SDC2: variants seen among roughly 807,000 people sequenced by gnomAD.
SDC2 encodes syndecan 2.
SDC2 carries 13 observed loss-of-function variants against 22.2 expected under a neutral mutation model. The ratio of observed to expected loss-of-function variants is 0.59; its 90% CI spans 0.38 to 0.93. The LOEUF is 0.93. Among genes scored for constraint, SDC2 ranks in the 40% least tolerant of loss-of-function variants. The pLI, the probability that SDC2 is intolerant of heterozygous loss-of-function variation, is 0.00. For synonymous variants in SDC2, 94 were observed against 92.8 expected (o/e 1.01, Z -0.07); for missense variants, 235 against 246.8 (o/e 0.95, Z 0.32).
chr8:96,537,744 A>T (rs757842107), intron 1 of SDC2, among the ~76,000 whole-genome samples: 10 of 152,156 alleles, frequency 6.6e-5, no homozygotes, highest in Non-Finnish European at 1.0e-4. Flanking sequence ...ATGAAGGATA[A>T]CTTAGATTTT....
intron 1 of SDC2, among the ~76,000 whole-genome samples, chr8:96,503,829 T>C (rs1813201194): frequency 6.6e-6 from 1 of 152,204 alleles, no homozygotes. Flanking sequence ...CAGAGAATGA[T>C]AGAAGGCTGT....
intron 1 of SDC2, among the ~76,000 whole-genome samples, chr8:96,592,323 C>T (rs554141647): frequency 7.2e-5 from 11 of 152,206 alleles, no homozygotes; most frequent in African/African-American, 1.9e-4. Context: ...CCAATCACAG[C>T]GACTGCTGGA....
intron 1 of SDC2, among the ~76,000 whole-genome samples, chr8:96,536,623 C>T (rs1319339364): frequency 6.6e-6 from 1 of 152,160 alleles, no homozygotes; most frequent in Non-Finnish European, 1.5e-5. Context: ...AGTTGAGTAC[C>T]TTTTAGGTGG....
At chr8:96,589,398 GTTTGT>G (rs1476069101) in intron 1 of SDC2, among the ~76,000 whole-genome samples, 1 of 151,838 alleles carries the variant, frequency 6.6e-6, no homozygotes, top group African/African-American at 2.4e-5. Flanking sequence ...TTGTTTGTTT[GTTTGT>G]TTGTTTGTTT....
chr8:96,522,791 G>A (rs1366463321), intron 1 of SDC2, among the ~76,000 whole-genome samples: 1 of 152,182 alleles, frequency 6.6e-6, no homozygotes, highest in African/African-American at 2.4e-5. Context: ...GCAGTTTCAG[G>A]ATGTAAGGTG....
chr8:96,517,759 TTGTG>T (rs1563645494), intron 1 of SDC2, among the ~76,000 whole-genome samples: 32 of 124,212 alleles, frequency 2.6e-4, no homozygotes, highest in Middle Eastern at 3.8e-3. Context: ...ATACACACGT[TTGTG>T]TGTGTGCATG....
At chr8:96,511,307 C>T (rs187499970) in intron 1 of SDC2, among the ~76,000 whole-genome samples, 1 of 152,248 alleles carries the variant, frequency 6.6e-6, no homozygotes, top group East Asian at 1.9e-4. Context: ...GGCTGCTGCT[C>T]TAGGACCTTG....
At chr8:96,543,365 G>A (rs1813882867) in intron 1 of SDC2, among the ~76,000 whole-genome samples, 1 of 152,152 alleles carries the variant, frequency 6.6e-6, no homozygotes, top group Non-Finnish European at 1.5e-5. Flanking sequence ...AGATAATGGT[G>A]TAATGGATAT....
intron 1 of SDC2, among the ~76,000 whole-genome samples, chr8:96,563,190 C>A (rs549904086): frequency 6.6e-6 from 1 of 152,288 alleles, no homozygotes; most frequent in Admixed American, 6.5e-5. Context: ...TGTATTCAGC[C>A]TTGCTGGGAT....
At chr8:96,515,455 T>C (rs1813387181) in intron 1 of SDC2, among the ~76,000 whole-genome samples, 1 of 152,046 alleles carries the variant, frequency 6.6e-6, no homozygotes, top group Non-Finnish European at 1.5e-5. Context: ...GCTCTTGATA[T>C]GGGAAATAGA....
At chr8:96,521,538 G>A (rs2439522) in intron 1 of SDC2, among the ~76,000 whole-genome samples, 127,764 of 152,218 alleles carry the variant, frequency 0.84, 55,070 homozygotes, top group African/African-American at 0.94. Context: ...AGGTGGGCTC[G>A]CATTATCTGT....
At chr8:96,571,345 G>A (rs1037095849) in intron 1 of SDC2, among the ~76,000 whole-genome samples, 6 of 152,292 alleles carry the variant, frequency 3.9e-5, no homozygotes, top group Non-Finnish European at 7.4e-5. Flanking sequence ...GGGAAAGTGT[G>A]TATGCTTAGG....
At position 96,585,775 on chromosome 8, in the gene SDC2, A is replaced by C. The variant is rs372021357; in HGVS notation, c.61-7705A>C. Among the ~76,000 whole-genome samples, 318 of 151,944 alleles carry C rather than the reference A, an allele frequency of 2.1e-3. 1 individual carries two copies. Among genetic ancestry groups the C allele is most frequent in the African/African-American group, 7.3e-3 (304 of 41,402 alleles). On this transcript the variant is annotated intron_variant, in intron 1 of 4. Transcript: ENST00000302190. ...ATGCCCCAACGTACATACAGCAAGG[A>C]CCCTTTCTGAAAATGATATTGATTA...
At chr8:96,535,337 A>G (rs1813737915) in intron 1 of SDC2, among the ~76,000 whole-genome samples, 1 of 152,218 alleles carries the variant, frequency 6.6e-6, no homozygotes, top group Admixed American at 6.5e-5. Flanking sequence ...AGTGTGGCCC[A>G]TCCACTATTT....
chr8:96,599,592 A>C (rs1002039668), intron 2 of SDC2, among the ~76,000 whole-genome samples: 1 of 152,212 alleles, frequency 6.6e-6, no homozygotes, highest in Non-Finnish European at 1.5e-5. Context: ...CATGTCTGTT[A>C]GATATGTATC....
intron 1 of SDC2, among the ~76,000 whole-genome samples, chr8:96,505,306 A>T (rs1179881823): frequency 2.0e-5 from 3 of 151,924 alleles, no homozygotes; most frequent in South Asian, 4.2e-4. Context: ...TATTTTTATT[A>T]TTTTTATTTT....
rs1385442851 is a variant in SDC2, at chr8:96,497,190, G to A, written c.60+2859G>A. On this transcript the variant is annotated intron_variant, in intron 1 of 4. Transcript: ENST00000302190. ...ATTATCTCTCGGTGTATTATGAAAGGCAGGCTCTGGAAAGTTTGCATTAGA... is the reference window on the plus strand; with the variant it reads ...ATTATCTCTCGGTGTATTATGAAAGACAGGCTCTGGAAAGTTTGCATTAGA... 2.6e-5 allele frequency among the ~76,000 whole-genome samples: 4 copies of A among 151,992 alleles called. No homozygotes were observed. The East Asian group carries it at 7.7e-4, about 29-fold the overall frequency.
intron 1 of SDC2, among the ~76,000 whole-genome samples, chr8:96,502,709 C>T (rs578033221): frequency 5.3e-5 from 8 of 152,178 alleles, no homozygotes; most frequent in Non-Finnish European, 1.0e-4. Flanking sequence ...TTTGGATACA[C>T]TTATTATGTA....
chr8:96,602,086 A>G lies in SDC2; in HGVS notation c.173-309A>G, dbSNP rs549971975. On this transcript the variant is annotated intron_variant, in intron 2 of 4. Coordinates refer to ENST00000302190, the MANE Select transcript of SDC2 (RefSeq NM_002998.4). ...TGTGTTCTTAAAATGGAAATGGAGC[A>G]CGTTTCAGTGTAGATGGGAAAAAAT... Among the ~76,000 whole-genome samples the G allele has an allele frequency of 2.0e-5, 3 of 152,292 alleles. No homozygotes were observed. In the South Asian group the frequency reaches 6.2e-4, roughly 32 times the overall value.
Sources: allele counts gnomAD v4.1 joint callset (sites outside exome capture counted in the v4.1 genomes callset), GRCh38; gene constraint gnomAD v4.1.1; transcripts MANE v1.5; gene names NCBI Gene and HGNC (gene_info 2026-07-23, HGNC 2026-07-21).